The following CFAP221 variants were observed in gnomAD, a reference collection of about 807,000 sequenced individuals.
The protein encoded by CFAP221 is cilia- and flagella-associated protein 221.
Under a neutral mutation model 113.1 loss-of-function variants are expected in CFAP221, and 97 were observed. That is an observed-to-expected ratio of 0.86 (90% CI 0.73 to 1.02). The LOEUF (loss-of-function observed/expected upper bound fraction) is 1.02. Ranked by LOEUF, CFAP221 falls within the 50% of genes least tolerant of loss-of-function variation. The pLI is 0.00. For synonymous variants in CFAP221, 331 were observed against 354.4 expected (o/e 0.93, Z 0.74); for missense variants, 1,025 against 1,013.4 (o/e 1.01, Z -0.16).
intron 23 of CFAP221, 23 bp downstream of exon 23, chr2:119,652,092 T>A: frequency 4.5e-6 from 7 of 1,553,364 alleles, no homozygotes; most frequent in Non-Finnish European, 6.2e-6. Context: ...TTTTATGCCT[T>A]ATTAAAAGGT....
intron 19 of CFAP221, among the ~76,000 whole-genome samples, chr2:119,632,585 A>T (rs745548056): frequency 6.6e-6 from 1 of 152,024 alleles, no homozygotes; most frequent in Non-Finnish European, 1.5e-5. Flanking sequence ...TAGGGCAAGG[A>T]TGTCTGCTCT....
At chr2:119,570,641 G>C (rs1298264729) in intron 6 of CFAP221, among the ~76,000 whole-genome samples, 1 of 152,174 alleles carries the variant, frequency 6.6e-6, no homozygotes, top group African/African-American at 2.4e-5. Flanking sequence ...TAGTGTGACT[G>C]ATTTCTTTCA....
At chr2:119,554,811 A>G (rs1362500542) in intron 3 of CFAP221, among the ~76,000 whole-genome samples, 1 of 152,246 alleles carries the variant, frequency 6.6e-6, no homozygotes, top group Non-Finnish European at 1.5e-5. Flanking sequence ...ATTTTAAAAT[A>G]AAACGCTTTA....
chr2:119,565,815 TG>T (rs1332224625), intron 6 of CFAP221, among the ~76,000 whole-genome samples: 1 of 152,238 alleles, frequency 6.6e-6, no homozygotes, highest in Non-Finnish European at 1.5e-5. Flanking sequence ...CCAAAATGTG[TG>T]GTAACAGGAC....
intron 22 of CFAP221, chr2:119,648,681 G>A (rs777136327): frequency 3.2e-5 from 5 of 155,144 alleles, no homozygotes; most frequent in African/African-American, 4.8e-5. Flanking sequence ...TTATAACTCA[G>A]TATAAAATCA....
chr2:119,611,512 C>A, intron 12 of CFAP221, 141 bp from the exon 13 acceptor site: 2 of 614,970 alleles, frequency 3.3e-6, no homozygotes, highest in Non-Finnish European at 5.7e-6. Flanking sequence ...ATCTTTTTTA[C>A]CCACTTGTGT....
intron 7 of CFAP221, 92 bp downstream of exon 7, chr2:119,587,314 A>G: frequency 1.2e-6 from 1 of 835,996 alleles, no homozygotes; most frequent in Non-Finnish European, 1.8e-6. Flanking sequence ...TGAATTTTAC[A>G]CATAACTGAC....
In CFAP221 at chr2:119,638,227, A is replaced by G. The variant is rs773291903; in HGVS notation, c.1975-32A>G. ...ATGCCTGGCTTAGAAACTGGTAAAC[A>G]GAAAAGAATATTTTTTCCCTGTCTT... is the stretch of plus-strand genomic sequence containing the variant. On this transcript the variant is annotated intron_variant, in intron 19 of 23. Coordinates refer to ENST00000413369, the MANE Select transcript of CFAP221 (RefSeq NM_001271049.2). The G allele has an allele frequency of 1.9e-6, 3 of 1,611,746 alleles. No homozygotes were observed. The Admixed American group carries it at 5.0e-5, about 27-fold the overall frequency.
intron 5 of CFAP221, 126 bp from the exon 6 acceptor site, chr2:119,561,888 C>T (rs527445472): frequency 1.9e-5 from 13 of 702,634 alleles, no homozygotes; most frequent in South Asian, 3.6e-5. Context: ...TGTAGTTAAG[C>T]GCTGAAGTTT....
At chr2:119,581,614 T>C (rs1244100058) in intron 6 of CFAP221, among the ~76,000 whole-genome samples, 2 of 152,182 alleles carry the variant, frequency 1.3e-5, no homozygotes, top group Non-Finnish European at 2.9e-5. Context: ...ATGTGTCTAA[T>C]AAATTGGAGT....
chr2:119,586,845 CACTA>C (rs1218932354), intron 6 of CFAP221: 10 of 297,890 alleles, frequency 3.4e-5, no homozygotes, highest in Non-Finnish European at 4.9e-5. Flanking sequence ...ATGGTTCTGC[CACTA>C]ACTATGTCAC....
intron 17 of CFAP221, 43 bp from the exon 18 acceptor site, chr2:119,630,527 G>T (rs750029571): frequency 2.7e-6 from 4 of 1,465,436 alleles, no homozygotes; most frequent in Non-Finnish European, 3.8e-6. Context: ...CCCACCAAAT[G>T]GTAACAGGTT....
chr2:119,638,506 A>C (rs983535348), intron 20 of CFAP221, 89 bp downstream of exon 20: 1 of 1,511,786 alleles, frequency 6.6e-7, no homozygotes, highest in Non-Finnish European at 9.1e-7. Flanking sequence ...TGGAATTGCG[A>C]CAAAGGTTTG....
intron 21 of CFAP221, among the ~76,000 whole-genome samples, chr2:119,642,222 T>C (rs1000070571): frequency 3.3e-5 from 5 of 152,248 alleles, no homozygotes; most frequent in African/African-American, 1.2e-4. Flanking sequence ...ATTCTGTATC[T>C]ATCTTCTTAG....
At chr2:119,631,064 G>A in intron 19 of CFAP221, 163 bp downstream of exon 19, 1 of 1,336,566 alleles carries the variant, frequency 7.5e-7, no homozygotes, top group Non-Finnish European at 9.6e-7. Flanking sequence ...ATTTTTTGGA[G>A]AATATCAGTG....
In CFAP221 at chr2:119,630,845, A is replaced by C; in HGVS notation, c.1918A>C (p.Met640Leu). 1 of 1,613,812 alleles carries C rather than the reference A, an allele frequency of 6.2e-7. No homozygotes were observed. Among genetic ancestry groups the C allele is most frequent in the Non-Finnish European group, 8.5e-7 (1 of 1,179,664 alleles). The part of the protein sequence containing the change: ...QLSGKTSVLS[M>L]KPPEALAMSL... ...CTCTGGCAAAACATCAGTCTTGAGC[A>C]TGAAACCACCTGAGGCCTTAGCCAT... The change falls in exon 19 of 24, where the codon ATG (methionine) becomes CTG (leucine). Residue 640 changes from methionine to leucine, a missense_variant. Physicochemically the swap from Met to Leu is conservative, Grantham distance 15. Transcript: ENST00000413369.
intron 7 of CFAP221, 45 bp downstream of exon 7, chr2:119,587,267 G>T (rs1048229252): frequency 1.5e-6 from 2 of 1,305,556 alleles, no homozygotes; most frequent in African/African-American, 1.5e-5. Flanking sequence ...AGAATAAGCT[G>T]CATTCAAACG....
At chr2:119,633,707 T>G (rs1686935213) in intron 19 of CFAP221, among the ~76,000 whole-genome samples, 1 of 117,676 alleles carries the variant, frequency 8.5e-6, no homozygotes, top group South Asian at 3.3e-4. Flanking sequence ...GACTTATAAA[T>G]GGCCAACAGC....
Position 119,559,348 on chromosome 2 carries a change from A to G in CFAP221, c.241-341A>G, listed in dbSNP as rs144363449. 2.5e-3 allele frequency among the ~76,000 whole-genome samples: 375 copies of G among 151,936 alleles called. 1 individual carries two copies. Among genetic ancestry groups the G allele is most frequent in the African/African-American group, 8.8e-3 (365 of 41,486 alleles). ...GCCTGACTTAGCTCGATTGAATCGC[A>G]GGACTAAATTGAATTAAACAAAAAG... On this transcript the variant is annotated intron_variant, in intron 3 of 23. Coordinates refer to ENST00000413369, the MANE Select transcript of CFAP221 (RefSeq NM_001271049.2).
Sources: gnomAD v4.1 joint callset for allele counts (sites outside exome capture counted in the v4.1 genomes callset) on GRCh38, gnomAD v4.1.1 for gene constraint, MANE v1.5 for transcripts, NCBI Gene and HGNC (gene_info 2026-07-23, HGNC 2026-07-21) for gene names.